The following CACNA2D3 variants were observed in gnomAD, a reference collection of about 807,000 sequenced individuals.
CACNA2D3 encodes the protein calcium voltage-gated channel auxiliary subunit alpha2delta 3.
A neutral mutation model predicts 160.6 loss-of-function variants in CACNA2D3; 60 were observed. That is an observed-to-expected ratio of 0.37 (90% CI 0.30 to 0.46). CACNA2D3 has a LOEUF of 0.46. CACNA2D3 is among the 20% of genes least tolerant of loss of function. The pLI is 1.00. For missense variants in CACNA2D3, 1,205 were observed against 1,365.0 expected, an observed-to-expected ratio of 0.88 and a Z score of 1.85; for synonymous variants, 558 against 492.9, an observed-to-expected ratio of 1.13 and a Z score of -1.75.
intron 12 of CACNA2D3, among the ~76,000 whole-genome samples, chr3:54,762,972 C>CA (rs1441930859): frequency 6.6e-6 from 1 of 151,730 alleles, no homozygotes; most frequent in Non-Finnish European, 1.5e-5. Context: ...CCTGTAGTCC[C>CA]AGCTACTCAG....
intron 14 of CACNA2D3, among the ~76,000 whole-genome samples, chr3:54,820,058 T>G (rs569625221): frequency 4.0e-4 from 61 of 152,270 alleles, no homozygotes; most frequent in African/African-American, 1.4e-3. Flanking sequence ...TCCAAACCCC[T>G]GAGTTTGTTG....
In CACNA2D3 at chr3:54,149,930, T is replaced by TCTCTCTCTCTCC. The variant is rs1559863338; in HGVS notation, c.204+26337_204+26338insTCTCTCTCTCCC. 3.2e-4 allele frequency among the ~76,000 whole-genome samples: 13 copies of TCTCTCTCTCTCC among 40,430 alleles called. 1 individual carries two copies. Among genetic ancestry groups the TCTCTCTCTCTCC allele is most frequent in the Non-Finnish European group, 4.0e-4 (9 of 22,526 alleles). 26.5% of individuals were successfully genotyped at this position (40,430 alleles called of 152,430 possible). On this transcript the variant is annotated intron_variant, in intron 2 of 37. Transcript: ENST00000474759. ...CTCTCTCTCTCTCTCTCTCTCTCTC[T>TCTCTCTCTCTCC]CCCTCCCTCCCTCCCTCCCTCCCTC...
chr3:54,403,356 AACAC>A (rs55779518), intron 4 of CACNA2D3, among the ~76,000 whole-genome samples: 66,611 of 137,236 alleles, frequency 0.49, 15,935 homozygotes, highest in Non-Finnish European at 0.54. Context: ...CCCTATCTCA[AACAC>A]ACACACACAC....
chr3:54,709,177 T>A (rs1007654835), intron 11 of CACNA2D3, among the ~76,000 whole-genome samples: 2 of 128,614 alleles, frequency 1.6e-5, no homozygotes, highest in African/African-American at 8.5e-5. Context: ...GCCTGACTAA[T>A]TTTTTTTTTG....
intron 11 of CACNA2D3, among the ~76,000 whole-genome samples, chr3:54,652,363 A>G (rs1043736644): frequency 2.0e-5 from 3 of 152,212 alleles, no homozygotes; most frequent in Admixed American, 6.5e-5. Flanking sequence ...GACACCTCCA[A>G]TGAGATCACA....
chr3:54,358,191 A>G (rs374557139), intron 3 of CACNA2D3, among the ~76,000 whole-genome samples: 1 of 152,180 alleles, frequency 6.6e-6, no homozygotes, highest in East Asian at 1.9e-4. Flanking sequence ...TTTCTTCTCA[A>G]TTTTTCTGTA....
At chr3:54,125,242 TACACACAC>T (rs59950857) in intron 2 of CACNA2D3, among the ~76,000 whole-genome samples, 65 of 148,012 alleles carry the variant, frequency 4.4e-4, no homozygotes, top group African/African-American at 6.5e-4. Flanking sequence ...TCTTTGAAGT[TACACACAC>T]ACACACACAC....
At chr3:54,736,629 A>G (rs1250677156) in intron 11 of CACNA2D3, among the ~76,000 whole-genome samples, 3 of 152,234 alleles carry the variant, frequency 2.0e-5, no homozygotes, top group African/African-American at 4.8e-5. Flanking sequence ...TAAACCTTGT[A>G]TTTGTATTGG....
chr3:54,496,780 T>C (rs1262369240), intron 4 of CACNA2D3, among the ~76,000 whole-genome samples: 3 of 152,174 alleles, frequency 2.0e-5, no homozygotes, highest in Non-Finnish European at 4.4e-5. Flanking sequence ...TACATTTAAG[T>C]CTGTCATCCA....
At chr3:54,163,269 T>C (rs1700383614) in intron 2 of CACNA2D3, among the ~76,000 whole-genome samples, 1 of 152,114 alleles carries the variant, frequency 6.6e-6, no homozygotes, top group South Asian at 2.1e-4. Flanking sequence ...CTAATTGTGG[T>C]AAGTACTGTG....
At chr3:54,757,448 T>TC in intron 12 of CACNA2D3, among the ~76,000 whole-genome samples, 1 of 152,074 alleles carries the variant, frequency 6.6e-6, no homozygotes, top group Admixed American at 6.6e-5. Context: ...ACATGTAGTG[T>TC]CCCCCAAAAG....
At chr3:54,903,040 ATG>A (rs1483242797) in intron 27 of CACNA2D3, among the ~76,000 whole-genome samples, 1 of 152,224 alleles carries the variant, frequency 6.6e-6, no homozygotes, top group African/African-American at 2.4e-5. Context: ...ATACCACAGA[ATG>A]AGTAATTTTT....
At chr3:54,823,843 G>C (rs1176699651) in intron 14 of CACNA2D3, among the ~76,000 whole-genome samples, 1 of 152,080 alleles carries the variant, frequency 6.6e-6, no homozygotes, top group Non-Finnish European at 1.5e-5. Flanking sequence ...GAACAAATAT[G>C]TATTTTGTTT....
At chr3:54,881,781 G>A (rs534586308) in intron 21 of CACNA2D3, among the ~76,000 whole-genome samples, 31 of 152,296 alleles carry the variant, frequency 2.0e-4, no homozygotes, top group East Asian at 5.8e-4. Flanking sequence ...TTAATTGGTC[G>A]GAACTGATTA....
intron 2 of CACNA2D3, among the ~76,000 whole-genome samples, chr3:54,202,155 C>T (rs368272959): frequency 2.0e-5 from 3 of 152,294 alleles, no homozygotes; most frequent in Admixed American, 6.5e-5. Flanking sequence ...GGGAATCCAC[C>T]CTACAACGTG....
chr3:54,626,003 C>T (rs868227145), intron 9 of CACNA2D3, among the ~76,000 whole-genome samples: 2 of 152,268 alleles, frequency 1.3e-5, no homozygotes, highest in African/African-American at 4.8e-5. Context: ...AAAGCCACTC[C>T]TTAGCAAGGA....
intron 13 of CACNA2D3, among the ~76,000 whole-genome samples, chr3:54,801,438 C>T (rs894971456): frequency 6.6e-6 from 1 of 152,122 alleles, no homozygotes; most frequent in Non-Finnish European, 1.5e-5. Flanking sequence ...CAGTAATTCA[C>T]CTTCTTGAAA....
intron 11 of CACNA2D3, among the ~76,000 whole-genome samples, chr3:54,690,290 A>T (rs1223615974): frequency 6.6e-6 from 1 of 151,746 alleles, no homozygotes; most frequent in African/African-American, 2.4e-5. Flanking sequence ...AATTTGCTTA[A>T]TTTTTTTTCC....
chr3:54,824,166 G>C (rs1467563935), intron 14 of CACNA2D3, among the ~76,000 whole-genome samples: 1 of 152,350 alleles, frequency 6.6e-6, no homozygotes, highest in East Asian at 1.9e-4. Flanking sequence ...CGTGGGACAA[G>C]TCTGAAAGTA....
Sources: allele counts gnomAD v4.1 joint callset (sites outside exome capture counted in the v4.1 genomes callset), GRCh38; gene constraint gnomAD v4.1.1; transcripts MANE v1.5; gene names NCBI Gene and HGNC (gene_info 2026-07-23, HGNC 2026-07-21).